The following RANBP17 variants were observed in gnomAD, a reference collection of about 807,000 sequenced individuals.
RANBP17 encodes the protein RAN binding protein 17, also known as ran-binding protein 17.
In RANBP17, 158 loss-of-function variants were observed where a neutral mutation model predicts 141.2. The ratio of observed to expected loss-of-function variants is 1.12; its 90% CI spans 0.98 to 1.28. The LOEUF (loss-of-function observed/expected upper bound fraction) is 1.28, where lower values mean the gene tolerates loss of function less well. Among genes scored for constraint, RANBP17 ranks in the 50% most tolerant of loss-of-function variants. RANBP17 has a pLI of 0.00. For missense variants in RANBP17, 1,438 were observed against 1,290.7 expected (o/e 1.11, Z -1.75); for synonymous variants, 430 against 450.0 (o/e 0.96, Z 0.56).
intron 24 of RANBP17, among the ~76,000 whole-genome samples, chr5:171,259,162 C>G (rs768903322): frequency 4.6e-5 from 7 of 152,146 alleles, no homozygotes; most frequent in African/African-American, 7.2e-5. Flanking sequence ...ATCAAAACCA[C>G]AGTGAGATAC....
At chr5:171,144,201 A>C (rs1009390994) in intron 14 of RANBP17, among the ~76,000 whole-genome samples, 17 of 152,060 alleles carry the variant, frequency 1.1e-4, no homozygotes, top group African/African-American at 4.1e-4. Flanking sequence ...TGTCTCTACC[A>C]AAAATACAAA....
intron 13 of RANBP17, among the ~76,000 whole-genome samples, chr5:170,965,863 G>T (rs1474967012): frequency 6.6e-6 from 1 of 152,122 alleles, no homozygotes; most frequent in Non-Finnish European, 1.5e-5. Context: ...TTTGGCTTAG[G>T]ATTGACTTGG....
rs1161549575 is a variant in RANBP17, at chr5:171,028,982, A to C, written c.1710+60605A>C. On this transcript the variant is annotated intron_variant, in intron 14 of 27. Transcript: ENST00000523189. ...CATCTGAACCAGGGATCACAGTCTA[A>C]GGTCCAGGTGAGGGCAAGTCAGTCT... is the stretch of plus-strand genomic sequence containing the variant. 3 of 1,277,794 alleles carry C rather than the reference A, an allele frequency of 2.3e-6. No homozygotes were observed. The East Asian group carries it at 1.7e-4, about 71-fold the overall frequency. The allele number at this position is 1,277,794 out of a possible 1,614,324, so 79.2% of individuals were successfully genotyped here. A position where few individuals can be genotyped will look rare whatever the true frequency, so the allele number is the denominator to read the frequency against.
At chr5:171,027,885 G>A (rs1181968527) in intron 14 of RANBP17, among the ~76,000 whole-genome samples, 1 of 151,932 alleles carries the variant, frequency 6.6e-6, no homozygotes, top group Non-Finnish European at 1.5e-5. Context: ...TAAATTTTTA[G>A]AGTAGCTATT....
At chr5:171,192,507 A>C (rs1027837856) in intron 18 of RANBP17, among the ~76,000 whole-genome samples, 1 of 152,158 alleles carries the variant, frequency 6.6e-6, no homozygotes, top group African/African-American at 2.4e-5. Context: ...ACTAAAATAA[A>C]CACTCTGGTT....
chr5:171,054,352 C>T (rs111280094), intron 14 of RANBP17, among the ~76,000 whole-genome samples: 3,993 of 152,172 alleles, frequency 0.026, 159 homozygotes, highest in African/African-American at 0.09. Context: ...ATATGCTAAA[C>T]AAGGGATTGA....
chr5:171,055,310 A>C (rs538359991), intron 14 of RANBP17, among the ~76,000 whole-genome samples: 5 of 152,314 alleles, frequency 3.3e-5, no homozygotes, highest in African/African-American at 1.2e-4. Flanking sequence ...TCTGAATTGC[A>C]GGAAAAAAAC....
At chr5:171,010,232 T>C (rs1288595646) in intron 14 of RANBP17, among the ~76,000 whole-genome samples, 1 of 152,160 alleles carries the variant, frequency 6.6e-6, no homozygotes, top group Non-Finnish European at 1.5e-5. Context: ...AGATGGACTT[T>C]AGAGTTCCCA....
chr5:171,121,382 A>G (rs1361780052), intron 14 of RANBP17, among the ~76,000 whole-genome samples: 1 of 152,198 alleles, frequency 6.6e-6, no homozygotes, highest in African/African-American at 2.4e-5. Context: ...ACAGGGTTGT[A>G]TCTTCCAAGA....
chr5:171,147,373 G>GTGTGTGTGTC (rs1268289192), intron 14 of RANBP17, among the ~76,000 whole-genome samples: 4 of 143,718 alleles, frequency 2.8e-5, no homozygotes, highest in Non-Finnish European at 4.5e-5. Context: ...GTGTGTGTGT[G>GTGTGTGTGTC]TGTGTGTGGT....
At chr5:171,071,413 G>T (rs893656408) in intron 14 of RANBP17, among the ~76,000 whole-genome samples, 38 of 151,742 alleles carry the variant, frequency 2.5e-4, no homozygotes, top group African/African-American at 9.0e-4. Flanking sequence ...ATTTGAAATG[G>T]AAAAAGAGGA....
In RANBP17 at chr5:171,098,481, G is replaced by A. The variant is rs191731204; in HGVS notation, c.1711-71649G>A. Among the ~76,000 whole-genome samples the A allele has an allele frequency of 1.5e-4, 23 of 152,140 alleles. No individual in the cohort carries two copies. In the East Asian group the frequency reaches 1.5e-3, roughly 10 times the overall value. On this transcript the variant is annotated intron_variant, in intron 14 of 27. Coordinates refer to ENST00000523189, the MANE Select transcript of RANBP17 (RefSeq NM_022897.5). ...TATCCTTTGCCCATTTTTTGATAGC[G>A]TTGTTCATTTTTTTCTTGTAAATTT...
intron 24 of RANBP17, among the ~76,000 whole-genome samples, chr5:171,264,394 A>G (rs1335947180): frequency 3.3e-5 from 5 of 151,562 alleles, no homozygotes; most frequent in Admixed American, 6.6e-5. Flanking sequence ...AAATTATTGG[A>G]AAAAAAAATA....
chr5:170,889,464 C>G (rs1561858517), intron 3 of RANBP17, among the ~76,000 whole-genome samples: 1 of 152,044 alleles, frequency 6.6e-6, no homozygotes, highest in Non-Finnish European at 1.5e-5. Flanking sequence ...AGGAAGCAAA[C>G]AAAAAATCGG....
At chr5:170,966,311 G>A (rs137950996) in intron 13 of RANBP17, among the ~76,000 whole-genome samples, 1,777 of 152,086 alleles carry the variant, frequency 0.012, 32 homozygotes, top group African/African-American at 0.041. Flanking sequence ...ACTGGCAAAC[G>A]AAATCCAGTA....
At chr5:171,251,050 C>T (rs975272412) in intron 24 of RANBP17, among the ~76,000 whole-genome samples, 1 of 152,206 alleles carries the variant, frequency 6.6e-6, no homozygotes, top group Admixed American at 6.5e-5. Flanking sequence ...ATGGAACATT[C>T]TCTAGGATAG....
At chr5:171,158,420 A>G (rs1211525161) in intron 14 of RANBP17, 1 of 192,702 alleles carries the variant, frequency 5.2e-6, no homozygotes, top group East Asian at 8.0e-5. Context: ...AGTTTCTCCT[A>G]TGTGAATTGC....
chr5:171,137,470 A>G (rs1757360345), intron 14 of RANBP17, among the ~76,000 whole-genome samples: 1 of 152,088 alleles, frequency 6.6e-6, no homozygotes, highest in South Asian at 2.1e-4. Context: ...CAGGGTTGTC[A>G]TTGAAAGTAT....
chr5:171,216,937 C>G (rs1763256320), intron 21 of RANBP17, among the ~76,000 whole-genome samples: 1 of 152,178 alleles, frequency 6.6e-6, no homozygotes, highest in Admixed American at 6.6e-5. Context: ...GTCAGAACTT[C>G]CAGTACTTCA....
Sources: allele counts gnomAD v4.1 joint callset (sites outside exome capture counted in the v4.1 genomes callset), GRCh38; gene constraint gnomAD v4.1.1; transcripts MANE v1.5; gene names NCBI Gene and HGNC (gene_info 2026-07-23, HGNC 2026-07-21).